DPY19L2: variants seen among roughly 807,000 people sequenced by gnomAD.
DPY19L2 encodes the protein probable C-mannosyltransferase DPY19L2.
A neutral mutation model predicts 97.9 loss-of-function variants in DPY19L2; 34 were observed. The observed-to-expected ratio is 0.35, with a 90% CI of 0.26 to 0.46. DPY19L2 has a LOEUF of 0.46. Among genes scored for constraint, DPY19L2 ranks in the 20% least tolerant of loss-of-function variants. The pLI, the probability that DPY19L2 is intolerant of heterozygous loss-of-function variation, is 1.00. For missense variants in DPY19L2, 623 were observed against 911.4 expected (o/e 0.68, Z 4.07); for synonymous variants, 230 against 307.9 (o/e 0.75, Z 2.65).
chr12:63,634,179 G>C (rs528035619), intron 6 of DPY19L2, among the ~76,000 whole-genome samples: 2 of 152,216 alleles, frequency 1.3e-5, no homozygotes, highest in South Asian at 4.1e-4. Flanking sequence ...TAACCTGCAC[G>C]TTGTGCACAT....
intron 4 of DPY19L2, among the ~76,000 whole-genome samples, chr12:63,652,865 C>A (rs1478355623): frequency 6.6e-6 from 1 of 152,100 alleles, no homozygotes; most frequent in Non-Finnish European, 1.5e-5. Context: ...ACACACCAAA[C>A]CCCCACTGCA....
At chr12:63,560,919 A>G (rs1467153953) in intron 21 of DPY19L2, among the ~76,000 whole-genome samples, 1 of 152,248 alleles carries the variant, frequency 6.6e-6, no homozygotes, top group Non-Finnish European at 1.5e-5. Context: ...TCATAAATAT[A>G]TATGTAAAAG....
chr12:63,561,078 T>A (rs776867776), intron 21 of DPY19L2, among the ~76,000 whole-genome samples: 1 of 152,096 alleles, frequency 6.6e-6, no homozygotes, highest in Non-Finnish European at 1.5e-5. Flanking sequence ...CTGCCTTGGA[T>A]TAGCATGAAA....
At chr12:63,630,638 G>T (rs150955770) in intron 6 of DPY19L2, among the ~76,000 whole-genome samples, 2,679 of 151,986 alleles carry the variant, frequency 0.018, 73 homozygotes, top group African/African-American at 0.06. Context: ...ACACCCCATT[G>T]TCAATATTAG....
chr12:63,599,080 C>T (rs1364155443), intron 13 of DPY19L2, among the ~76,000 whole-genome samples: 1 of 150,676 alleles, frequency 6.6e-6, no homozygotes, highest in Non-Finnish European at 1.5e-5. Context: ...AGCTGAGGCA[C>T]GAGAATCGCT....
At chr12:63,564,141 T>C (rs1363943385) in intron 21 of DPY19L2, among the ~76,000 whole-genome samples, 1 of 152,100 alleles carries the variant, frequency 6.6e-6, no homozygotes, top group East Asian at 1.9e-4. Context: ...AATCTTTTAG[T>C]TCGGGTAGGA....
At chr12:63,588,907 C>G (rs1284103115) in intron 16 of DPY19L2, among the ~76,000 whole-genome samples, 1 of 151,824 alleles carries the variant, frequency 6.6e-6, no homozygotes, top group East Asian at 1.9e-4. Context: ...GCGCCCACCA[C>G]GATGCCCAGC....
intron 2 of DPY19L2, 103 bp downstream of exon 2, chr12:63,665,732 T>C: frequency 1.0e-6 from 1 of 977,028 alleles, no homozygotes; most frequent in Non-Finnish European, 1.5e-6. Context: ...ATAAAGATGT[T>C]CTACAAATAT....
At chr12:63,659,545 A>G (rs1001872586) in intron 4 of DPY19L2, among the ~76,000 whole-genome samples, 2 of 152,108 alleles carry the variant, frequency 1.3e-5, no homozygotes, top group Non-Finnish European at 2.9e-5. Context: ...AAAAAGGAAA[A>G]AGGTAGAGAA....
intron 9 of DPY19L2, 35 bp downstream of exon 9, chr12:63,621,203 A>G: frequency 9.4e-7 from 1 of 1,067,572 alleles, no homozygotes; most frequent in Non-Finnish European, 1.4e-6. Context: ...AGAACTTAAA[A>G]TAAAAATAAA....
intron 4 of DPY19L2, among the ~76,000 whole-genome samples, chr12:63,654,684 T>C (rs546163160): frequency 6.6e-6 from 1 of 152,260 alleles, no homozygotes; most frequent in Admixed American, 6.5e-5. Flanking sequence ...GAAGTGACGA[T>C]GCCATTATCA....
In DPY19L2 at chr12:63,596,384, T is replaced by G. The variant is rs374965499; in HGVS notation, c.1462-347A>C. ...GGTCCTACGTTGTAACTTTCTGTAC[T>G]ACACAGCTCCATTATTTTCATTAGT... On this transcript the variant is annotated intron_variant, in intron 14 of 21. Transcript: ENST00000324472. 2.0e-5 allele frequency among the ~76,000 whole-genome samples: 3 copies of G among 152,292 alleles called. No homozygotes were observed. The East Asian group carries it at 5.8e-4, about 29-fold the overall frequency.
chr12:63,646,809 A>T (rs1893473179), intron 5 of DPY19L2, among the ~76,000 whole-genome samples: 1 of 152,194 alleles, frequency 6.6e-6, no homozygotes, highest in African/African-American at 2.4e-5. Context: ...GAGCATATAT[A>T]AAAAAGTAAT....
chr12:63,663,657 T>C, intron 3 of DPY19L2, 101 bp downstream of exon 3: 1 of 973,820 alleles, frequency 1.0e-6, no homozygotes, highest in Non-Finnish European at 1.6e-6. Flanking sequence ...TATGAAACAG[T>C]GCAGTTGACC....
chr12:63,609,818 G>C (rs113732338), intron 11 of DPY19L2, among the ~76,000 whole-genome samples: 3 of 152,098 alleles, frequency 2.0e-5, no homozygotes, highest in African/African-American at 7.2e-5. Context: ...TCGGACTTGC[G>C]TATTATTTAG....
Position 63,656,411 on chromosome 12 carries a change from G to A in DPY19L2, c.588+4933C>T, listed in dbSNP as rs547688039. On this transcript the variant is annotated intron_variant, in intron 4 of 21. Coordinates refer to ENST00000324472, the MANE Select transcript of DPY19L2 (RefSeq NM_173812.5). ...AGAAAACTTCTCCTATAAAGAGCCA[G>A]GCGATAAGTATTTTAGGCTTTGTGA... 3.9e-5 allele frequency among the ~76,000 whole-genome samples: 6 copies of A among 152,244 alleles called. No homozygotes were observed. The East Asian group carries it at 1.2e-3, about 29-fold the overall frequency.
chr12:63,571,050 T>A (rs192530997), intron 19 of DPY19L2, among the ~76,000 whole-genome samples, 193 bp from the exon 20 acceptor site: 1 of 152,094 alleles, frequency 6.6e-6, no homozygotes, highest in East Asian at 1.9e-4. Context: ...TTAAATACTA[T>A]CTTGGGGCTA....
chr12:63,571,810 A>G (rs1185163042), intron 19 of DPY19L2, among the ~76,000 whole-genome samples: 2 of 152,326 alleles, frequency 1.3e-5, no homozygotes, highest in African/African-American at 4.8e-5. Context: ...TTGAAATACC[A>G]GAAGACCAAA....
At chr12:63,601,608 A>G (rs1592523004) in intron 12 of DPY19L2, among the ~76,000 whole-genome samples, 1 of 152,180 alleles carries the variant, frequency 6.6e-6, no homozygotes, top group East Asian at 1.9e-4. Flanking sequence ...TAAAGAAGAA[A>G]AGGAAAGACA....
Sources: gnomAD v4.1 joint callset for allele counts (sites outside exome capture counted in the v4.1 genomes callset) on GRCh38, gnomAD v4.1.1 for gene constraint, MANE v1.5 for transcripts, NCBI Gene and HGNC (gene_info 2026-07-23, HGNC 2026-07-21) for gene names.